Variants in CEP112 observed in about 807,000 individuals in gnomAD.
CEP112 encodes centrosomal protein 112, also known as centrosomal protein of 112 kDa.
CEP112 carries 127 observed loss-of-function variants against 153.0 expected under a neutral mutation model. The ratio of observed to expected loss-of-function variants is 0.83; its 90% CI spans 0.72 to 0.96. The LOEUF is 0.96. CEP112 is among the 40% of genes least tolerant of loss of function. The pLI, the probability that CEP112 is intolerant of heterozygous loss-of-function variation, is 0.00. For missense variants in CEP112, 1,089 were observed against 1,101.2 expected (o/e 0.99, Z 0.16); for synonymous variants, 358 against 374.4 (o/e 0.96, Z 0.51).
chr17:66,042,653 A>C (rs1280376880), intron 12 of CEP112, among the ~76,000 whole-genome samples: 7 of 152,192 alleles, frequency 4.6e-5, no homozygotes, highest in Admixed American at 4.6e-4. Context: ...AAAAGAAACA[A>C]CATTAGGTAA....
rs1259630901 is a variant in CEP112 at position 65,937,772 on chromosome 17, C to A, written c.1873-10083G>T. The stretch of plus-strand genomic sequence containing the variant: ...GCGTCAGCCCCCCAGCCCAGCCAGC[C>A]GCCCCGTCTGGGAGGGGGGTGGGGG... On this transcript the variant is annotated intron_variant, in intron 18 of 26. Coordinates refer to ENST00000535342, the MANE Select transcript of CEP112 (RefSeq NM_001199165.4). Among the ~76,000 whole-genome samples, 19 of 89,190 alleles carry A rather than the reference C, an allele frequency of 2.1e-4. 5 individuals carry two copies. Among genetic ancestry groups the A allele is most frequent in the South Asian group, 1.6e-3 (2 of 1,222 alleles). The allele number at this position is 89,190 out of a possible 152,430, so 58.5% of individuals were successfully genotyped here. A position where few individuals can be genotyped will look rare whatever the true frequency, so the allele number is the denominator to read the frequency against.
intron 21 of CEP112, among the ~76,000 whole-genome samples, chr17:65,805,735 A>C (rs1233694947): frequency 6.6e-6 from 1 of 152,000 alleles, no homozygotes; most frequent in Admixed American, 6.6e-5. Flanking sequence ...TCTCTTTAAA[A>C]CTCTTTTAAG....
rs369593241 is a variant in CEP112, at chr17:65,636,970, C to G, written c.2864+154G>C. The G allele has an allele frequency of 1.3e-3, 794 of 625,778 alleles. 13 individuals carry two copies. In the South Asian group the frequency reaches 0.016, roughly 12 times the overall value. The allele number at this position is 625,778 out of a possible 1,614,324, so 38.8% of individuals were successfully genotyped here. A position where few individuals can be genotyped will look rare whatever the true frequency, so the allele number is the denominator to read the frequency against. ...AGCACTGGGATGAGAAGGGGGGTGACTTCTTAAAGACATGCTACTTACTAA... is the reference window on the plus strand; with the variant it reads ...AGCACTGGGATGAGAAGGGGGGTGAGTTCTTAAAGACATGCTACTTACTAA... On this transcript the variant is annotated intron_variant, in intron 26 of 26. Coordinates refer to ENST00000535342, the MANE Select transcript of CEP112 (RefSeq NM_001199165.4).
intron 17 of CEP112, among the ~76,000 whole-genome samples, chr17:65,991,336 A>G (rs760479955): frequency 1.3e-5 from 2 of 152,314 alleles, no homozygotes; most frequent in Admixed American, 6.5e-5. Context: ...TGTGAGAGGT[A>G]ACGTTATACT....
intron 6 of CEP112, among the ~76,000 whole-genome samples, chr17:66,106,459 G>T (rs950696207): frequency 1.3e-5 from 2 of 151,928 alleles, no homozygotes; most frequent in African/African-American, 4.8e-5. Context: ...ATGAAAAAGA[G>T]ACATTACAAC....
chr17:66,113,149 C>A (rs1404543721), intron 6 of CEP112, among the ~76,000 whole-genome samples: 1 of 148,080 alleles, frequency 6.8e-6, no homozygotes. Context: ...AAAATAGAGG[C>A]AGCAAATGTC....
At chr17:65,836,883 G>C (rs932562388) in intron 21 of CEP112, among the ~76,000 whole-genome samples, 1 of 132,670 alleles carries the variant, frequency 7.5e-6, no homozygotes, top group African/African-American at 2.9e-5. Context: ...CCGCCATCTC[G>C]GCTCACTGCA....
rs189382290 is a variant in CEP112 at position 65,995,412 on chromosome 17, A to G, written c.1736+10278T>C. Among the ~76,000 whole-genome samples the G allele has an allele frequency of 4.3e-4, 65 of 152,284 alleles. 1 individual carries two copies. The highest frequency in any genetic ancestry group is 1.7e-3 in the Admixed American group (26 of 15,298). On this transcript the variant is annotated intron_variant, in intron 17 of 26. Transcript: ENST00000535342. ...TCTTTGATATAGGTGGGAAAATAGA[A>G]GAGGGTACACCTAGATGTTCTCCAG...
intron 17 of CEP112, among the ~76,000 whole-genome samples, chr17:65,961,799 G>T (rs2062214583): frequency 6.6e-6 from 1 of 152,168 alleles, no homozygotes; most frequent in African/African-American, 2.4e-5. Flanking sequence ...TGTGTATTCT[G>T]ATGAAGGCAA....
intron 12 of CEP112, among the ~76,000 whole-genome samples, chr17:66,033,747 C>A (rs1162249577): frequency 6.6e-6 from 1 of 152,066 alleles, no homozygotes; most frequent in African/African-American, 2.4e-5. Flanking sequence ...CTTTTTCTTT[C>A]TTTGTTGTTT....
In CEP112 at chr17:65,740,086, T is replaced by C. The variant is rs139960663; in HGVS notation, c.2607+2982A>G. On this transcript the variant is annotated intron_variant, in intron 23 of 26. Coordinates refer to ENST00000535342, the MANE Select transcript of CEP112 (RefSeq NM_001199165.4). ...TTTTTTCTCTTGAGTTATACTTTTGTTTTGCAAAAATGAGCTCATATCTAT... is the reference window on the plus strand; with the variant it reads ...TTTTTTCTCTTGAGTTATACTTTTGCTTTGCAAAAATGAGCTCATATCTAT... 1.0e-3 allele frequency among the ~76,000 whole-genome samples: 152 copies of C among 152,316 alleles called. 3 individuals are homozygous for C. The East Asian group carries it at 0.028, about 28-fold the overall frequency.
chr17:65,877,226 G>A (rs1188450186), intron 20 of CEP112, among the ~76,000 whole-genome samples: 1 of 152,228 alleles, frequency 6.6e-6, no homozygotes, highest in East Asian at 1.9e-4. Context: ...CTAAGCCCAA[G>A]TGCAGGTGTG....
chr17:65,691,874 CT>C (rs1229979721), intron 23 of CEP112, among the ~76,000 whole-genome samples: 1 of 152,186 alleles, frequency 6.6e-6, no homozygotes, highest in Non-Finnish European at 1.5e-5. Flanking sequence ...GAGTGAACTT[CT>C]TAAACTTAAA....
chr17:65,839,015 T>C (rs1156677643), intron 21 of CEP112, among the ~76,000 whole-genome samples: 1 of 152,058 alleles, frequency 6.6e-6, no homozygotes, highest in African/African-American at 2.4e-5. Context: ...AGTAATAAAA[T>C]CTTTCATCAA....
rs1218978308 is a variant in CEP112, at chr17:66,035,008, A to ATTT, written c.1219-4988_1219-4986dup. On this transcript the variant is annotated intron_variant, in intron 12 of 26. Coordinates refer to ENST00000535342, the MANE Select transcript of CEP112 (RefSeq NM_001199165.4). ...TATATATATACATATATATATATAT[A>ATTT]TTTTTTTTTTTAGTAGAGATGGAGT... Among the ~76,000 whole-genome samples, 548 of 72,034 alleles carry ATTT rather than the reference A, an allele frequency of 7.6e-3. 14 individuals are homozygous for ATTT. The highest frequency in any genetic ancestry group is 0.018 in the East Asian group (16 of 910). The allele number at this position is 72,034 out of a possible 152,430, so 47.3% of individuals were successfully genotyped here.
chr17:66,050,161 T>A (rs1486833379), intron 12 of CEP112, among the ~76,000 whole-genome samples: 1 of 152,200 alleles, frequency 6.6e-6, no homozygotes, highest in Admixed American at 6.5e-5. Flanking sequence ...TGGGGTCACA[T>A]TTTTTTCTAA....
intron 21 of CEP112, among the ~76,000 whole-genome samples, chr17:65,779,811 G>A (rs980956282): frequency 2.0e-5 from 3 of 152,070 alleles, no homozygotes; most frequent in Non-Finnish European, 2.9e-5. Context: ...AAACAAGACC[G>A]TTTTTGAGAA....
chr17:65,808,843 A>G (rs2055773385), intron 21 of CEP112, among the ~76,000 whole-genome samples: 1 of 152,108 alleles, frequency 6.6e-6, no homozygotes, highest in Non-Finnish European at 1.5e-5. Flanking sequence ...TTCATAAATT[A>G]CCCAGTCTCA....
At chr17:66,114,629 T>G (rs1199399436) in intron 6 of CEP112, among the ~76,000 whole-genome samples, 1 of 152,158 alleles carries the variant, frequency 6.6e-6, no homozygotes, top group Non-Finnish European at 1.5e-5. Flanking sequence ...TAAGTAAATA[T>G]TTTAGAACTT....
Sources: gnomAD v4.1 joint callset for allele counts (sites outside exome capture counted in the v4.1 genomes callset) on GRCh38, gnomAD v4.1.1 for gene constraint, MANE v1.5 for transcripts, NCBI Gene and HGNC (gene_info 2026-07-23, HGNC 2026-07-21) for gene names.